HMCN1: variants seen among roughly 807,000 people sequenced by gnomAD.
HMCN1 encodes hemicentin-1.
Under a neutral mutation model 625.9 loss-of-function variants are expected in HMCN1, and 321 were observed. The observed-to-expected ratio is 0.51, with a 90% CI of 0.47 to 0.56. The LOEUF (loss-of-function observed/expected upper bound fraction) is 0.56. Ranked by LOEUF, HMCN1 falls within the 20% of genes least tolerant of loss-of-function variation. The pLI, the probability that HMCN1 is intolerant of heterozygous loss-of-function variation, is 0.00. For missense variants in HMCN1, 6,588 were observed against 6,887.3 expected (o/e 0.96, Z 1.54); for synonymous variants, 2,425 against 2,417.6 (o/e 1.00, Z -0.09).
chr1:186,187,048 A>T (rs963776512), intron 105 of HMCN1, among the ~76,000 whole-genome samples: 5 of 149,266 alleles, frequency 3.3e-5, no homozygotes, highest in African/African-American at 1.2e-4. Context: ...GCATGCAAAC[A>T]TTTTCATTCA....
intron 89 of HMCN1, among the ~76,000 whole-genome samples, chr1:186,140,163 T>C (rs1649864374): frequency 1.3e-5 from 2 of 152,192 alleles, no homozygotes; most frequent in South Asian, 2.1e-4. Flanking sequence ...TTATCTAATC[T>C]GGTTATCTAA....
intron 36 of HMCN1, among the ~76,000 whole-genome samples, chr1:186,032,719 A>C (rs1428843942): frequency 6.6e-6 from 1 of 152,016 alleles, no homozygotes; most frequent in Non-Finnish European, 1.5e-5. Flanking sequence ...CATGAGAACG[A>C]ACTAACACAA....
chr1:185,827,985 A>G (rs1660627736), intron 1 of HMCN1, among the ~76,000 whole-genome samples: 1 of 152,216 alleles, frequency 6.6e-6, no homozygotes, highest in East Asian at 1.9e-4. Context: ...TTTTATAACC[A>G]GCAAAAATGT....
At chr1:186,128,503 T>C (rs999375770) in intron 83 of HMCN1, among the ~76,000 whole-genome samples, 72 of 152,040 alleles carry the variant, frequency 4.7e-4, no homozygotes, top group African/African-American at 1.7e-3. Context: ...CAGGGCCATA[T>C]ATTGCAGGTT....
intron 1 of HMCN1, among the ~76,000 whole-genome samples, chr1:185,796,957 C>T (rs2102214559): frequency 6.6e-6 from 1 of 152,260 alleles, no homozygotes; most frequent in East Asian, 1.9e-4. Context: ...TTTACATTTC[C>T]ACCAGTAGTG....
At chr1:185,840,748 T>C (rs935698573) in intron 1 of HMCN1, among the ~76,000 whole-genome samples, 2 of 152,226 alleles carry the variant, frequency 1.3e-5, no homozygotes, top group African/African-American at 4.8e-5. Context: ...TCTTCTATAA[T>C]GCCTTGAAAA....
intron 1 of HMCN1, among the ~76,000 whole-genome samples, chr1:185,825,481 G>T (rs1297372739): frequency 6.6e-6 from 1 of 152,152 alleles, no homozygotes. Flanking sequence ...CTGAAATATT[G>T]TGTGTCTGGA....
Position 186,130,554 on chromosome 1 carries a change from C to G in HMCN1, c.13087C>G (p.Leu4363Val). Reference protein sequence around the residue: ...GDYPSNWIEPLGGNAILNCEV... With the variant: ...GDYPSNWIEPVGGNAILNCEV... ...TTATCCTTCTAACTGGATTGAACCA[C>G]TTGGTGGGAATGCAATCCTGAATTG... is the stretch of plus-strand genomic sequence containing the variant. The change falls in exon 85 of 107, where the codon CTT becomes GTT. Residue 4363 changes from leucine to valine, a missense_variant. By Grantham distance (32) the Leu-to-Val change is conservative. Transcript: ENST00000271588. 1.2e-6 allele frequency: 2 copies of G among 1,613,576 alleles called. No homozygotes were observed. Among genetic ancestry groups the G allele is most frequent in the South Asian group, 1.1e-5 (1 of 91,080 alleles).
intron 1 of HMCN1, among the ~76,000 whole-genome samples, 161 bp from the exon 2 acceptor site, chr1:185,845,864 AT>A (rs1468569690): frequency 6.6e-6 from 1 of 152,226 alleles, no homozygotes; most frequent in Non-Finnish European, 1.5e-5. Flanking sequence ...ATTATAAGTT[AT>A]TCTCTGGTAG....
chr1:185,757,745 A>G (rs61831528), intron 1 of HMCN1, among the ~76,000 whole-genome samples: 35,718 of 152,088 alleles, frequency 0.23, 4,519 homozygotes, highest in Non-Finnish European at 0.29. Context: ...TACATGGGAA[A>G]ATGCCAAAAT....
chr1:186,105,218 T>A (rs1327001704), intron 69 of HMCN1, among the ~76,000 whole-genome samples: 1 of 152,166 alleles, frequency 6.6e-6, no homozygotes. Context: ...TAAGATACAA[T>A]TAGATATGAG....
chr1:185,783,954 A>G (rs746461482), intron 1 of HMCN1, among the ~76,000 whole-genome samples: 25 of 152,226 alleles, frequency 1.6e-4, no homozygotes, highest in Non-Finnish European at 3.1e-4. Context: ...GGTAGAGTCT[A>G]CAGAGGCAGG....
intron 11 of HMCN1, among the ~76,000 whole-genome samples, chr1:185,948,828 C>T (rs1362620431): frequency 2.0e-5 from 3 of 151,136 alleles, no homozygotes; most frequent in African/African-American, 7.3e-5. Flanking sequence ...AGAGAATGGG[C>T]GATGTTTCTC....
At chr1:186,172,803 T>C (rs566461898) in intron 102 of HMCN1, among the ~76,000 whole-genome samples, 7 of 152,132 alleles carry the variant, frequency 4.6e-5, no homozygotes, top group Non-Finnish European at 1.0e-4. Flanking sequence ...CCTACTCCAC[T>C]ATACCCCCTC....
intron 1 of HMCN1, among the ~76,000 whole-genome samples, chr1:185,753,921 A>T (rs1481805592): frequency 2.6e-5 from 4 of 152,214 alleles, no homozygotes; most frequent in African/African-American, 7.2e-5. Flanking sequence ...ACTTCTGGGT[A>T]CATAGCCTAA....
chr1:185,864,246 A>G (rs535383954), intron 2 of HMCN1, among the ~76,000 whole-genome samples: 1 of 152,272 alleles, frequency 6.6e-6, no homozygotes, highest in East Asian at 1.9e-4. Context: ...TATAGCTATT[A>G]TTTTGTGTGT....
At chr1:186,188,359 G>A (rs921304230) in intron 106 of HMCN1, among the ~76,000 whole-genome samples, 3 of 152,116 alleles carry the variant, frequency 2.0e-5, no homozygotes, top group East Asian at 1.9e-4. Flanking sequence ...GCCTCAGGGT[G>A]GTAAGGGCTC....
intron 86 of HMCN1, among the ~76,000 whole-genome samples, chr1:186,132,630 G>A (rs1662002386): frequency 6.7e-6 from 1 of 148,430 alleles, no homozygotes; most frequent in Non-Finnish European, 1.5e-5. Context: ...GTATAAGATT[G>A]CAATTGATTG....
chr1:186,173,374 A>G (rs1409842424), intron 102 of HMCN1, among the ~76,000 whole-genome samples: 3 of 152,132 alleles, frequency 2.0e-5, no homozygotes, highest in African/African-American at 7.2e-5. Context: ...CAGCTCTTAC[A>G]CTATAGATAT....
Sources: allele counts gnomAD v4.1 joint callset (sites outside exome capture counted in the v4.1 genomes callset), GRCh38; gene constraint gnomAD v4.1.1; transcripts MANE v1.5; gene names NCBI Gene and HGNC (gene_info 2026-07-23, HGNC 2026-07-21).